RHEB: variants seen among roughly 807,000 people sequenced by gnomAD.
The protein encoded by RHEB is GTP-binding protein Rheb.
RHEB carries 2 observed loss-of-function variants against 28.8 expected under a neutral mutation model. The ratio of observed to expected loss-of-function variants is 0.07; its 90% CI spans 0.03 to 0.22. The LOEUF (loss-of-function observed/expected upper bound fraction) is 0.22, where lower values mean the gene tolerates loss of function less well. Ranked by LOEUF, RHEB falls within the 10% of genes least tolerant of loss-of-function variation. RHEB has a pLI of 1.00. For missense variants in RHEB, 76 were observed against 219.9 expected (o/e 0.35, Z 4.14); for synonymous variants, 69 against 77.3 (o/e 0.89, Z 0.56).
Position 151,498,227 on chromosome 7 carries a change from A to G in RHEB, c.53-7213T>C, listed in dbSNP as rs6968047. 7.8e-3 allele frequency: 8,263 copies of G among 1,055,390 alleles called. 435 individuals are homozygous for G. The African/African-American group carries it at 0.12, about 16-fold the overall frequency. The allele number at this position is 1,055,390 out of a possible 1,614,324, so 65.4% of individuals were successfully genotyped here. ...AATAGAGTTTAAAGTACTGGAGGCA[A>G]TTAAGGAAGAGGAAGAGAAGCAGCT... is the stretch of plus-strand genomic sequence containing the variant. On this transcript the variant is annotated intron_variant, in intron 1 of 7. Transcript: ENST00000262187.
chr7:151,470,539 C>T, intron 7 of RHEB, 32 bp downstream of exon 7: 2 of 1,454,402 alleles, frequency 1.4e-6, no homozygotes, highest in Non-Finnish European at 9.7e-7. Context: ...GATGAGAACG[C>T]AATGCAAAAT....
At chr7:151,483,394 C>T (rs2150925773) in intron 3 of RHEB, among the ~76,000 whole-genome samples, 1 of 152,322 alleles carries the variant, frequency 6.6e-6, no homozygotes. Context: ...ACTACACTCA[C>T]CCTCCTGCTA....
chr7:151,473,918 T>C (rs1444498931), intron 4 of RHEB, among the ~76,000 whole-genome samples: 1 of 152,168 alleles, frequency 6.6e-6, no homozygotes, highest in Non-Finnish European at 1.5e-5. Context: ...TGAAAAAGAC[T>C]GGTGGGGAAA....
At chr7:151,476,846 G>A (rs1322998175) in intron 4 of RHEB, among the ~76,000 whole-genome samples, 2 of 152,170 alleles carry the variant, frequency 1.3e-5, no homozygotes, top group Non-Finnish European at 2.9e-5. Context: ...CATGAAATAC[G>A]TAGCTAGAGG....
rs917282344 is a variant in RHEB at position 151,508,502 on chromosome 7, A to G, written c.52+10958T>C. 3.9e-5 allele frequency among the ~76,000 whole-genome samples: 6 copies of G among 152,234 alleles called. 1 individual carries two copies. The highest frequency in any genetic ancestry group is 1.4e-4 in the African/African-American group (6 of 41,450). On this transcript the variant is annotated intron_variant, in intron 1 of 7. Coordinates refer to ENST00000262187, the MANE Select transcript of RHEB (RefSeq NM_005614.4). ...TAAGTATGACAAATGTACAAATATC[A>G]ACAATATCCATCACATGTTGAAATA...
At chr7:151,518,790 C>T (rs1002224840) in intron 1 of RHEB, among the ~76,000 whole-genome samples, 1 of 152,184 alleles carries the variant, frequency 6.6e-6, no homozygotes, top group African/African-American at 2.4e-5. Flanking sequence ...AATAGGGCAC[C>T]GAGAGATCAG....
At chr7:151,502,923 T>C (rs779916661) in intron 1 of RHEB, 12 of 791,774 alleles carry the variant, frequency 1.5e-5, no homozygotes, top group Non-Finnish European at 1.9e-5. Flanking sequence ...TTAGTTGATA[T>C]ATCCTATGGT....
chr7:151,516,235 A>G (rs192466822), intron 1 of RHEB, among the ~76,000 whole-genome samples: 6 of 152,252 alleles, frequency 3.9e-5, no homozygotes, highest in Admixed American at 3.9e-4. Flanking sequence ...AGTACAGGGG[A>G]CTGGCAGGGA....
At chr7:151,511,521 G>A (rs865817383) in intron 1 of RHEB, among the ~76,000 whole-genome samples, 1 of 150,392 alleles carries the variant, frequency 6.6e-6, no homozygotes, top group Non-Finnish European at 1.5e-5. Context: ...AGCACTTCCT[G>A]TTCTAAACTA....
chr7:151,502,542 T>C, intron 1 of RHEB: 1 of 1,035,730 alleles, frequency 9.7e-7, no homozygotes, highest in Non-Finnish European at 1.5e-6. Context: ...TTCAAACCAA[T>C]TAATACGTCA....
intron 1 of RHEB, 43 bp downstream of exon 1, chr7:151,519,417 G>A: frequency 7.4e-7 from 1 of 1,352,638 alleles, no homozygotes; most frequent in Non-Finnish European, 9.6e-7. Context: ...CCCAGGCGAG[G>A]CCCCGGCGGC....
intron 4 of RHEB, among the ~76,000 whole-genome samples, chr7:151,474,916 AG>A (rs976006855): frequency 3.9e-5 from 6 of 152,234 alleles, no homozygotes; most frequent in Non-Finnish European, 5.9e-5. Context: ...TTCAGCATAT[AG>A]GTTTCTAAAA....
Position 151,468,834 on chromosome 7 carries a change from G to A in RHEB, c.463-1623C>T, listed in dbSNP as rs1215213484. ...CGGCTTCAGATCACCTGATTGACAG[G>A]AAGCAGTGTGTAGAGAAAAAAGGAC... On this transcript the variant is annotated intron_variant, in intron 7 of 7. Transcript: ENST00000262187. This position sits in a 1 kb window ranked among gnomAD's most constrained non-coding sequence, Gnocchi z 4.3. Among the ~76,000 whole-genome samples, 1 of 152,214 alleles carries A rather than the reference G, an allele frequency of 6.6e-6. No homozygotes were observed. Among genetic ancestry groups the A allele is most frequent in the Admixed American group, 6.5e-5 (1 of 15,284 alleles).
chr7:151,516,562 G>A (rs1172183347), intron 1 of RHEB, among the ~76,000 whole-genome samples: 10 of 140,840 alleles, frequency 7.1e-5, no homozygotes, highest in Admixed American at 3.1e-4. Flanking sequence ...AGCAGAGGTT[G>A]CAGTGAGCCC....
intron 1 of RHEB, chr7:151,503,068 C>A: frequency 2.5e-6 from 2 of 795,044 alleles, no homozygotes; most frequent in East Asian, 4.9e-5. Context: ...ACTGTTTTGG[C>A]GTTGAAGATA....
intron 1 of RHEB, among the ~76,000 whole-genome samples, chr7:151,505,659 CAA>C (rs1473532807): frequency 6.6e-6 from 1 of 152,096 alleles, no homozygotes. Flanking sequence ...AGGTATTTAC[CAA>C]AGAGAAATGA....
At chr7:151,469,497 A>T (rs1802121677) in intron 7 of RHEB, among the ~76,000 whole-genome samples, 1 of 142,798 alleles carries the variant, frequency 7.0e-6, no homozygotes. Flanking sequence ...AAGAGTGCCA[A>T]GGCTGCTGGC....
intron 1 of RHEB, chr7:151,503,275 T>C: frequency 1.3e-6 from 1 of 786,988 alleles, no homozygotes; most frequent in Admixed American, 1.7e-5. Flanking sequence ...CATGCCCCTG[T>C]TGGAATGGTT....
intron 1 of RHEB, among the ~76,000 whole-genome samples, chr7:151,507,561 T>TA (rs544314025): frequency 5.8e-4 from 89 of 152,224 alleles, no homozygotes; most frequent in African/African-American, 2.1e-3. Flanking sequence ...GAGACACCGT[T>TA]AGAGTTTACG....
Sources: gnomAD v4.1 joint callset for allele counts (sites outside exome capture counted in the v4.1 genomes callset) on GRCh38, gnomAD v4.1.1 for gene constraint, Gnocchi (gnomAD v3.1) non-coding constraint, MANE v1.5 for transcripts, NCBI Gene and HGNC (gene_info 2026-07-23, HGNC 2026-07-21) for gene names.